Variants in MYH11 observed in about 807,000 individuals in gnomAD.
The protein encoded by MYH11 is myosin-11.
In MYH11, 80 loss-of-function variants were observed where a neutral mutation model predicts 246.6. That is an observed-to-expected ratio of 0.32 (90% confidence interval 0.27 to 0.39). The LOEUF is 0.39. Among genes scored for constraint, MYH11 ranks in the 10% least tolerant of loss-of-function variants. MYH11 has a pLI of 1.00. For synonymous variants in MYH11, 1,071 were observed against 1,015.5 expected, an observed-to-expected ratio of 1.05 and a Z score of -1.04; for missense variants, 2,158 against 2,546.8, an observed-to-expected ratio of 0.85 and a Z score of 3.29.
chr16:15,810,192 C>A (rs1251841681), intron 3 of MYH11, among the ~76,000 whole-genome samples: 1 of 151,680 alleles, frequency 6.6e-6, no homozygotes, highest in Admixed American at 6.6e-5. Flanking sequence ...CACCACCATG[C>A]CTGGCTAATT....
At chr16:15,805,350 G>A (rs2042984731) in intron 3 of MYH11, among the ~76,000 whole-genome samples, 1 of 152,020 alleles carries the variant, frequency 6.6e-6, no homozygotes, top group Non-Finnish European at 1.5e-5. Flanking sequence ...CTCCATTTTA[G>A]TAATTATCAT....
rs144275008 is a variant in MYH11 at position 15,838,133 on chromosome 16, C to T, written c.120G>A (p.Ser40=). 1.3e-4 allele frequency: 202 copies of T among 1,613,970 alleles called. 1 individual carries two copies. The highest frequency in any genetic ancestry group is 7.5e-4 in the African/African-American group (56 of 74,880). Residue 40 remains serine (S), a synonymous_variant, in exon 2 of 41, where the codon TCG becomes TCA. Coordinates refer to ENST00000300036, the MANE Select transcript of MYH11 (RefSeq NM_002474.3). ...WAAKRLVWVP[S]EKQGFEAASI... is the part of the protein sequence containing the mutation. Reference sequence around the variant, plus strand: ...TGGCTGCCTCGAAGCCCTGCTTCTCCGAGGGGACCCAGACGAGTCTCTTGG... The same window carrying T: ...TGGCTGCCTCGAAGCCCTGCTTCTCTGAGGGGACCCAGACGAGTCTCTTGG...
chr16:15,770,999 CTT>C (rs199688463), intron 9 of MYH11, among the ~76,000 whole-genome samples: 4 of 146,288 alleles, frequency 2.7e-5, no homozygotes, highest in South Asian at 2.2e-4. Context: ...AATTCCTGAA[CTT>C]TTTTTTTTTT....
chr16:15,718,521 G>T, intron 36 of MYH11, 83 bp from the exon 37 acceptor site: 17 of 1,504,486 alleles, frequency 1.1e-5, no homozygotes, highest in Non-Finnish European at 1.5e-5. Flanking sequence ...TGCCTCAGGG[G>T]TATTGCCCTC....
intron 1 of MYH11, among the ~76,000 whole-genome samples, chr16:15,856,034 G>C (rs571521976): frequency 5.0e-4 from 76 of 152,168 alleles, no homozygotes; most frequent in African/African-American, 1.7e-3. Context: ...CTTACAACAG[G>C]CAGTAGCCAC....
At chr16:15,807,846 G>T (rs776426631) in intron 3 of MYH11, among the ~76,000 whole-genome samples, 7 of 152,190 alleles carry the variant, frequency 4.6e-5, no homozygotes, top group Admixed American at 6.5e-5. Context: ...TGGGCCTGAG[G>T]ACTCCCAGGA....
intron 2 of MYH11, among the ~76,000 whole-genome samples, chr16:15,828,101 C>A (rs216166): frequency 0.32 from 49,074 of 152,062 alleles, 10,119 homozygotes; most frequent in African/African-American, 0.59. Context: ...GTATGGGGTA[C>A]TTGAATTTGA....
intron 40 of MYH11, 94 bp downstream of exon 40, chr16:15,714,815 C>T: frequency 1.4e-6 from 2 of 1,471,204 alleles, no homozygotes; most frequent in South Asian, 2.3e-5. Context: ...CGGCTGTGGG[C>T]ACAAGGGGCA....
intron 28 of MYH11, chr16:15,726,369 CTTTTTTTTT>C (rs781567624): frequency 6.7e-6 from 1 of 149,280 alleles, no homozygotes; most frequent in African/African-American, 2.6e-5. Context: ...GGTTTTTTTT[CTTTTTTTTT>C]TTTTTTCCTG....
intron 40 of MYH11, chr16:15,708,765 T>G: frequency 6.3e-7 from 1 of 1,591,944 alleles, no homozygotes; most frequent in Non-Finnish European, 8.6e-7. Context: ...AAATGGATAC[T>G]GAGACAACAC....
rs909582372 is a variant in MYH11 at position 15,714,655 on chromosome 16, G to T, written c.5786+254C>A. 5 of 586,684 alleles carry T rather than the reference G, an allele frequency of 8.5e-6. No individual in the cohort carries two copies. The Admixed American group carries it at 1.5e-4, about 18-fold the overall frequency. 36.3% of individuals were successfully genotyped at this position (586,684 alleles called of 1,614,324 possible). ...GATAGCCTCTTCCTCCTCCTCAGCC[G>T]GAGGACCGGATGGGAGACGGTCGAT... On this transcript the variant is annotated intron_variant, in intron 40 of 40. Transcript: ENST00000300036.
At chr16:15,769,763 G>A (rs779608208) in intron 9 of MYH11, among the ~76,000 whole-genome samples, 6 of 152,140 alleles carry the variant, frequency 3.9e-5, no homozygotes, top group Non-Finnish European at 7.4e-5. Flanking sequence ...TCTTTCACAA[G>A]GACAGACAAT....
chr16:15,740,007 G>C, intron 23 of MYH11, 44 bp downstream of exon 23: 1 of 1,608,434 alleles, frequency 6.2e-7, no homozygotes. Context: ...CTCCCAAAGT[G>C]CTCGGATTAT....
At chr16:15,856,218 TG>T (rs34719216) in intron 1 of MYH11, among the ~76,000 whole-genome samples, 26,126 of 147,734 alleles carry the variant, frequency 0.18, 2,845 homozygotes, top group East Asian at 0.42. Context: ...CTGGGTGAGT[TG>T]TTTTTTTTTT....
intron 26 of MYH11, among the ~76,000 whole-genome samples, chr16:15,735,034 C>T (rs1277568317): frequency 6.6e-6 from 1 of 151,870 alleles, no homozygotes; most frequent in Non-Finnish European, 1.5e-5. Flanking sequence ...AAAAAATTAG[C>T]CGGGTGTGGT....
At chr16:15,715,482 C>G (rs112572207) in intron 38 of MYH11, among the ~76,000 whole-genome samples, 191 of 152,282 alleles carry the variant, frequency 1.3e-3, no homozygotes, top group African/African-American at 4.3e-3. Flanking sequence ...GGAATTCTTG[C>G]CAAGTGAAAG....
chr16:15,799,340 G>A (rs1224906728), intron 3 of MYH11, among the ~76,000 whole-genome samples: 1 of 152,192 alleles, frequency 6.6e-6, no homozygotes, highest in African/African-American at 2.4e-5. Context: ...GGACAGGGAA[G>A]CACAGCAGGT....
intron 1 of MYH11, among the ~76,000 whole-genome samples, chr16:15,841,829 C>A (rs577973667): frequency 6.6e-6 from 1 of 152,158 alleles, no homozygotes; most frequent in African/African-American, 2.4e-5. Flanking sequence ...CCACCAGGAT[C>A]TATGCGTGGT....
At chr16:15,776,272 T>C in intron 7 of MYH11, 96 bp from the exon 8 acceptor site, 1 of 837,672 alleles carries the variant, frequency 1.2e-6, no homozygotes, top group South Asian at 1.4e-5. Flanking sequence ...ATGGGATGAC[T>C]TTCCAGTTCT....
Sources: allele counts gnomAD v4.1 joint callset (sites outside exome capture counted in the v4.1 genomes callset), GRCh38; gene constraint gnomAD v4.1.1; transcripts MANE v1.5; gene names NCBI Gene and HGNC (gene_info 2026-07-23, HGNC 2026-07-21).